The following LARGE1 variants were observed in gnomAD, a reference collection of about 807,000 sequenced individuals.
LARGE1 encodes the protein LARGE xylosyl- and glucuronyltransferase 1.
LARGE1 carries 43 observed loss-of-function variants against 87.6 expected under a neutral mutation model. That is an observed-to-expected ratio of 0.49 (90% CI 0.38 to 0.63). The LOEUF (loss-of-function observed/expected upper bound fraction) is 0.63, where lower values mean the gene tolerates loss of function less well. LARGE1 is among the 30% of genes least tolerant of loss of function. The pLI is 0.00. For synonymous variants in LARGE1, 434 were observed against 394.6 expected (o/e 1.10, Z -1.18); for missense variants, 802 against 1,000.2 (o/e 0.80, Z 2.67).
intron 2 of LARGE1, among the ~76,000 whole-genome samples, chr22:33,761,145 C>T (rs1036345207): frequency 2.0e-5 from 3 of 151,990 alleles, no homozygotes; most frequent in Non-Finnish European, 4.4e-5. Context: ...TCTGTACCCA[C>T]CACACTCCCA....
intron 9 of LARGE1, among the ~76,000 whole-genome samples, chr22:33,353,173 A>G (rs557870532): frequency 7.2e-5 from 11 of 152,368 alleles, no homozygotes; most frequent in African/African-American, 2.6e-4. Flanking sequence ...ATGTTAGTAC[A>G]AAGATGTGTG....
At chr22:33,285,597 C>G (rs995486879) in intron 12 of LARGE1, among the ~76,000 whole-genome samples, 13 of 152,010 alleles carry the variant, frequency 8.6e-5, no homozygotes, top group Non-Finnish European at 7.3e-5. Flanking sequence ...GTGTTCCACC[C>G]TGGGCGACAG....
intron 6 of LARGE1, among the ~76,000 whole-genome samples, chr22:33,447,880 A>G (rs187928532): frequency 5.3e-5 from 8 of 152,236 alleles, no homozygotes; most frequent in African/African-American, 1.9e-4. Context: ...GAATGGAGTA[A>G]TAACAACACA....
chr22:33,912,879 G>C (rs2065678184), intron 1 of LARGE1, among the ~76,000 whole-genome samples: 1 of 151,340 alleles, frequency 6.6e-6, no homozygotes, highest in Non-Finnish European at 1.5e-5. Flanking sequence ...TTCCAGGCTG[G>C]AGCGCAATGG....
intron 1 of LARGE1, among the ~76,000 whole-genome samples, chr22:33,816,674 G>GGATAGATA (rs1556115447): frequency 0.17 from 23,899 of 140,104 alleles, 2,410 homozygotes; most frequent in Admixed American, 0.25. Context: ...ACGGATGGAT[G>GGATAGATA]GATAGATAGA....
intron 6 of LARGE1, among the ~76,000 whole-genome samples, chr22:33,472,718 C>G (rs1253434004): frequency 6.6e-6 from 1 of 152,208 alleles, no homozygotes; most frequent in Non-Finnish European, 1.5e-5. Flanking sequence ...CATTTAAACT[C>G]TGAGTGTTTC....
chr22:33,823,773 C>T (rs975438060), intron 1 of LARGE1, among the ~76,000 whole-genome samples: 1 of 152,178 alleles, frequency 6.6e-6, no homozygotes, highest in African/African-American at 2.4e-5. Flanking sequence ...GCTCTTTCTG[C>T]TGCCCTTTGG....
chr22:33,265,640 C>A (rs1005488799), intron 11 of LARGE1, among the ~76,000 whole-genome samples: 4 of 152,156 alleles, frequency 2.6e-5, no homozygotes, highest in Non-Finnish European at 5.9e-5. Flanking sequence ...CTCATGAGGG[C>A]AAGGATAGTG....
chr22:33,248,219 G>A (rs139065508), intron 11 of LARGE1, among the ~76,000 whole-genome samples: 139 of 152,044 alleles, frequency 9.1e-4, no homozygotes, highest in African/African-American at 2.9e-3. Flanking sequence ...ATGGAGTCTT[G>A]CTCTGTCACC....
Position 33,631,469 on chromosome 22 carries a change from CT to C in LARGE1, c.409-5144del, listed in dbSNP as rs2080109176. 3.3e-5 allele frequency among the ~76,000 whole-genome samples: 5 copies of C among 152,082 alleles called. No individual in the cohort carries two copies. In the South Asian group the frequency reaches 1.0e-3, roughly 32 times the overall value. ...AATTATTTATTTTTAACTTTTAAAA[CT>C]TTTTTGTTAAAAACTAAGACATAAA... On this transcript the variant is annotated intron_variant, in intron 3 of 14. Coordinates refer to ENST00000397394, the MANE Select transcript of LARGE1 (RefSeq NM_133642.5).
At chr22:33,183,620 G>GCACACACACA (rs56262703) in intron 11 of LARGE1, among the ~76,000 whole-genome samples, 1,586 of 137,844 alleles carry the variant, frequency 0.012, 34 homozygotes, top group African/African-American at 0.045. Context: ...ACACACACAC[G>GCACACACACA]CACACACACA....
At chr22:33,651,256 G>C (rs971901894) in intron 2 of LARGE1, among the ~76,000 whole-genome samples, 1 of 80,200 alleles carries the variant, frequency 1.2e-5, no homozygotes, top group Non-Finnish European at 3.0e-5. Context: ...GCCGGGCTTG[G>C]TGGCACACAC....
Position 33,337,691 on chromosome 22 carries a change from C to T in LARGE1, c.1242G>A (p.Arg414=). Residue 414 remains arginine, a synonymous_variant, in exon 10 of 15, where the codon CGG becomes CGA. Coordinates refer to ENST00000397394, the MANE Select transcript of LARGE1 (RefSeq NM_133642.5). The part of the protein sequence containing the change: ...FLEYDGNLLR[R]ELFGCPSEAD... The stretch of plus-strand genomic sequence containing the variant: ...CCTCACTGGGGCAGCCAAACAGTTC[C>T]CGCCTCAGAAGATTGCCGTCATACT... 3.7e-6 allele frequency: 6 copies of T among 1,614,098 alleles called. No individual in the cohort carries two copies. Among genetic ancestry groups the T allele is most frequent in the Non-Finnish European group, 4.2e-6 (5 of 1,180,002 alleles).
At chr22:33,313,253 T>TCTCTCCTTCTGTGCCGTCTA (rs1935800795) in intron 11 of LARGE1, among the ~76,000 whole-genome samples, 1 of 152,018 alleles carries the variant, frequency 6.6e-6, no homozygotes, top group African/African-American at 2.4e-5. Flanking sequence ...GAGCCCTCCT[T>TCTCTCCTTCTGTGCCGTCTA]CTCTCCTTCT....
chr22:33,179,347 C>G (rs1046445910), intron 11 of LARGE1, among the ~76,000 whole-genome samples: 1 of 152,160 alleles, frequency 6.6e-6, no homozygotes, highest in Admixed American at 6.5e-5. Context: ...CCTTTGCCCC[C>G]TACACACTTA....
Position 33,241,874 on chromosome 22 carries a change from T to C in LARGE1, c.1730+62355A>G, listed in dbSNP as rs766929715. 7.9e-5 allele frequency among the ~76,000 whole-genome samples: 12 copies of C among 152,200 alleles called. No individual in the cohort carries two copies. The East Asian group carries it at 1.4e-3, about 17-fold the overall frequency. ...GGGACGGGAGAGGATGGGGAAAGCA[T>C]AGCTGTCCATCAAAGGGTAGAAAGT... On this transcript the variant is annotated intron_variant, in intron 11 of 11. Coordinates refer to the LARGE1 transcript ENST00000608642.
intron 7 of LARGE1, among the ~76,000 whole-genome samples, chr22:33,421,749 T>A (rs2066704162): frequency 6.6e-6 from 1 of 152,190 alleles, no homozygotes; most frequent in Admixed American, 6.5e-5. Flanking sequence ...AAGTGACATA[T>A]AGGAATTCCT....
intron 5 of LARGE1, among the ~76,000 whole-genome samples, chr22:33,588,599 C>G (rs921663502): frequency 6.6e-6 from 1 of 152,070 alleles, no homozygotes; most frequent in Non-Finnish European, 1.5e-5. Flanking sequence ...AAAAGCAAGT[C>G]CAAGTTGGAA....
chr22:33,315,317 C>G (rs1211907974), intron 11 of LARGE1, among the ~76,000 whole-genome samples: 1 of 152,160 alleles, frequency 6.6e-6, no homozygotes, highest in Non-Finnish European at 1.5e-5. Context: ...TCTCCCTGGA[C>G]AAGGTTGAGA....
Sources: gnomAD v4.1 joint callset for allele counts (sites outside exome capture counted in the v4.1 genomes callset) on GRCh38, gnomAD v4.1.1 for gene constraint, MANE v1.5 for transcripts, NCBI Gene and HGNC (gene_info 2026-07-23, HGNC 2026-07-21) for gene names.